RSRC1: variants seen among roughly 807,000 people sequenced by gnomAD.
RSRC1 encodes the protein serine/Arginine-related protein 53.
Under a neutral mutation model 49.1 loss-of-function variants are expected in RSRC1, and 39 were observed. The ratio of observed to expected loss-of-function variants is 0.79; its 90% CI spans 0.61 to 1.04. RSRC1 has a LOEUF of 1.04. Among genes scored for constraint, RSRC1 ranks in the 50% least tolerant of loss-of-function variants. The pLI, the probability that RSRC1 is intolerant of heterozygous loss-of-function variation, is 0.00. For missense variants in RSRC1, 388 were observed against 402.4 expected (o/e 0.96, Z 0.31); for synonymous variants, 143 against 130.8 (o/e 1.09, Z -0.63).
rs765828003 is a variant in RSRC1 at position 158,455,979 on chromosome 3, CAAAAAAAAAAAAAAAAAAAA to C, written c.584-4940_584-4921del. Among the ~76,000 whole-genome samples the C allele has an allele frequency of 3.0e-4, 17 of 56,518 alleles. No individual in the cohort carries two copies. In the South Asian group the frequency reaches 3.9e-3, roughly 13 times the overall value. The allele number at this position is 56,518 out of a possible 152,430, so 37.1% of individuals were successfully genotyped here. On this transcript the variant is annotated intron_variant, in intron 6 of 9. Transcript: ENST00000611884. ...TGGGGGACAGAGCAAGACTCCATCT[CAAAAAAAAAAAAAAAAAAAA>C]AAAAAAAAAAAAAAAGGAGCAACAC... is the stretch of plus-strand genomic sequence containing the variant.
chr3:158,288,636 C>T (rs186574986), intron 4 of RSRC1, among the ~76,000 whole-genome samples: 2 of 152,234 alleles, frequency 1.3e-5, no homozygotes, highest in Admixed American at 6.5e-5. Context: ...ACCTACTGCA[C>T]ATACCAAAGT....
At chr3:158,356,829 A>G (rs1421820144) in intron 6 of RSRC1, among the ~76,000 whole-genome samples, 2 of 152,106 alleles carry the variant, frequency 1.3e-5, no homozygotes, top group African/African-American at 4.8e-5. Flanking sequence ...TTTATTTCAT[A>G]GTTTTATTCA....
chr3:158,180,911 TCTC>T (rs967832458), intron 3 of RSRC1, among the ~76,000 whole-genome samples: 6 of 149,820 alleles, frequency 4.0e-5, no homozygotes, highest in Non-Finnish European at 8.9e-5. Flanking sequence ...TTCAAGCAAT[TCTC>T]CTGCTTTAGT....
chr3:158,336,540 G>A (rs1729901987), intron 5 of RSRC1: 1 of 153,544 alleles, frequency 6.5e-6, no homozygotes, highest in Non-Finnish European at 1.5e-5. Flanking sequence ...CGGTTCATGA[G>A]GAAGACAGCC....
intron 3 of RSRC1, among the ~76,000 whole-genome samples, chr3:158,129,131 T>C (rs1320375604): frequency 6.6e-6 from 1 of 152,036 alleles, no homozygotes; most frequent in Non-Finnish European, 1.5e-5. Flanking sequence ...CCTCAACCTT[T>C]CACTTACTAA....
chr3:158,114,378 C>T (rs1002257030), intron 1 of RSRC1, among the ~76,000 whole-genome samples: 3 of 152,120 alleles, frequency 2.0e-5, no homozygotes, highest in African/African-American at 7.2e-5. Flanking sequence ...ATACTAGTAC[C>T]ATGCTGTTTT....
chr3:158,323,908 T>C (rs1222071381), intron 5 of RSRC1, among the ~76,000 whole-genome samples: 1 of 151,732 alleles, frequency 6.6e-6, no homozygotes, highest in African/African-American at 2.4e-5. Context: ...CCTTCACATC[T>C]TTATTCTGTG....
chr3:158,354,003 T>C (rs886371821), intron 5 of RSRC1, among the ~76,000 whole-genome samples: 36 of 142,044 alleles, frequency 2.5e-4, no homozygotes, highest in African/African-American at 8.3e-4. Flanking sequence ...TTCTTTTTTT[T>C]TTTTTTTTTT....
At chr3:158,199,520 C>T (rs931042318) in intron 3 of RSRC1, among the ~76,000 whole-genome samples, 1 of 152,062 alleles carries the variant, frequency 6.6e-6, no homozygotes, top group African/African-American at 2.4e-5. Context: ...TGATTTTTCT[C>T]TTTAATGTTT....
intron 6 of RSRC1, among the ~76,000 whole-genome samples, chr3:158,453,883 A>T (rs1477931728): frequency 6.6e-6 from 1 of 151,992 alleles, no homozygotes; most frequent in African/African-American, 2.4e-5. Context: ...ATTTTATTAC[A>T]GTCTTTTTTT....
At chr3:158,346,917 A>T (rs1730584243) in intron 5 of RSRC1, among the ~76,000 whole-genome samples, 1 of 152,224 alleles carries the variant, frequency 6.6e-6, no homozygotes, top group Admixed American at 6.5e-5. Flanking sequence ...TTACAGTGGA[A>T]TACTACCCAG....
chr3:158,229,357 CATAT>C (rs1286282212), intron 4 of RSRC1, among the ~76,000 whole-genome samples: 2 of 84,900 alleles, frequency 2.4e-5, no homozygotes, highest in Admixed American at 1.3e-4. Flanking sequence ...TATATATACA[CATAT>C]ACACACGTAT....
chr3:158,195,320 C>A (rs964345707), intron 3 of RSRC1, among the ~76,000 whole-genome samples: 5 of 148,916 alleles, frequency 3.4e-5, no homozygotes, highest in African/African-American at 1.2e-4. Context: ...CTGTTCATAT[C>A]CTTTGCCCAC....
chr3:158,249,102 G>A (rs79823371), intron 4 of RSRC1, among the ~76,000 whole-genome samples: 2,539 of 152,116 alleles, frequency 0.017, 55 homozygotes, highest in African/African-American at 0.058. Context: ...TGTGTAGTGT[G>A]TCTAGTCAAT....
intron 7 of RSRC1, among the ~76,000 whole-genome samples, chr3:158,512,156 T>A (rs1485202845): frequency 2.0e-5 from 3 of 149,074 alleles, no homozygotes; most frequent in Non-Finnish European, 4.5e-5. Flanking sequence ...TTGTTGCCAT[T>A]GCTTTTGGTG....
At chr3:158,474,475 G>A (rs1472561562) in intron 7 of RSRC1, among the ~76,000 whole-genome samples, 1 of 152,166 alleles carries the variant, frequency 6.6e-6, no homozygotes, top group Non-Finnish European at 1.5e-5. Flanking sequence ...TCAAGGTGGT[G>A]GTTGCTGAAG....
intron 7 of RSRC1, among the ~76,000 whole-genome samples, chr3:158,531,438 T>G (rs184500098): frequency 9.2e-5 from 14 of 152,084 alleles, no homozygotes; most frequent in Admixed American, 2.6e-4. Flanking sequence ...CAAATTCTTC[T>G]TCATTGATAC....
chr3:158,159,473 G>C (rs1473878640), intron 3 of RSRC1, among the ~76,000 whole-genome samples: 2 of 151,870 alleles, frequency 1.3e-5, no homozygotes, highest in African/African-American at 4.8e-5. Context: ...TTGCTCCTTT[G>C]TTTGCATAAC....
intron 3 of RSRC1, among the ~76,000 whole-genome samples, chr3:158,161,892 C>T (rs866025401): frequency 2.6e-4 from 39 of 152,226 alleles, no homozygotes; most frequent in Middle Eastern, 3.4e-3. Context: ...TTTTTAAAAG[C>T]TCTTATCAAA....
Sources: allele counts gnomAD v4.1 joint callset (sites outside exome capture counted in the v4.1 genomes callset), GRCh38; gene constraint gnomAD v4.1.1; transcripts MANE v1.5; gene names NCBI Gene and HGNC (gene_info 2026-07-23, HGNC 2026-07-21).